The following SMIM15 variants were observed in gnomAD, a reference collection of about 807,000 sequenced individuals.
SMIM15 encodes the protein small integral membrane protein 15.
A neutral mutation model predicts 6.8 loss-of-function variants in SMIM15; 5 were observed. That is an observed-to-expected ratio of 0.74 (90% CI 0.39 to 1.56). The LOEUF (loss-of-function observed/expected upper bound fraction) is 1.56. Among genes scored for constraint, SMIM15 ranks in the 40% most tolerant of loss-of-function variants. SMIM15 has a pLI of 0.03. For synonymous variants in SMIM15, 30 were observed against 30.8 expected (o/e 0.97, Z 0.09); for missense variants, 81 against 84.8 (o/e 0.96, Z 0.18).
chr5:61,159,797 G>A lies in SMIM15; in HGVS notation c.*150C>T. On this transcript the variant is annotated 3_prime_UTR_variant, in exon 3 of 3. Coordinates refer to ENST00000339020, the MANE Select transcript of SMIM15 (RefSeq NM_001048249.4). ...GCCTAAAAGTTACTATAGTATTGAGGTCAGAACTAACATGATTCTTCCATT... is the reference window on the plus strand; with the variant it reads ...GCCTAAAAGTTACTATAGTATTGAGATCAGAACTAACATGATTCTTCCATT... 1 of 850,062 alleles carries A rather than the reference G, an allele frequency of 1.2e-6. No homozygotes were observed. The highest frequency in any genetic ancestry group is 1.8e-6 in the Non-Finnish European group (1 of 557,960). 52.7% of individuals were successfully genotyped at this position (850,062 alleles called of 1,614,324 possible).
chr5:61,162,366 AC>A lies in SMIM15; in HGVS notation c.-319del. ...TGCGCCGCCGCCGTTTCTGCTGGACACCAGGAGAAAACCACGGCAGCTGCAG... is the reference window on the plus strand; with the variant it reads ...TGCGCCGCCGCCGTTTCTGCTGGACACAGGAGAAAACCACGGCAGCTGCAG... On this transcript the variant is annotated 5_prime_UTR_variant, in exon 1 of 3. Transcript: ENST00000339020. This position sits in a 1 kb window ranked among gnomAD's most constrained non-coding sequence, Gnocchi z 4.4. 1 of 152,902 alleles carries A rather than the reference AC, an allele frequency of 6.5e-6. No homozygotes were observed. The highest frequency in any genetic ancestry group is 1.5e-5 in the Non-Finnish European group (1 of 68,524). The allele number at this position is 152,902 out of a possible 1,614,324, so 9.5% of individuals were successfully genotyped here.
Position 61,162,258 on chromosome 5 carries a change from GC to G in SMIM15, c.-211del, listed in dbSNP as rs1741435404. 1 of 152,642 alleles carries G rather than the reference GC, an allele frequency of 6.6e-6. No homozygotes were observed. The allele number at this position is 152,642 out of a possible 1,614,324, so 9.5% of individuals were successfully genotyped here. ...ACCCACGGAGGCCACGTTCACTCCT[GC>G]CCGTCGGCCTTGGCAAGCGCGGGCC... On this transcript the variant is annotated 5_prime_UTR_variant, in exon 1 of 3. Coordinates refer to ENST00000339020, the MANE Select transcript of SMIM15 (RefSeq NM_001048249.4). The surrounding 1 kb of genome is among the most constrained non-coding windows in gnomAD (Gnocchi z 4.4).
At chr5:61,161,047 C>T (rs1254079552) in intron 2 of SMIM15, 41 bp downstream of exon 2, 1 of 152,102 alleles carries the variant, frequency 6.6e-6, no homozygotes, top group African/African-American at 2.4e-5. Context: ...TATACATCCA[C>T]TTACAATTTC....
chr5:61,161,918 A>G (rs1276574930), intron 1 of SMIM15, among the ~76,000 whole-genome samples: 1 of 152,206 alleles, frequency 6.6e-6, no homozygotes, highest in Non-Finnish European at 1.5e-5. Context: ...CCAGCCCAGT[A>G]GCGAATAAAC....
rs1323403923 is a variant in SMIM15 at position 61,162,464 on chromosome 5, A to T, written c.-416T>A. ...CACTCACCGCCAGACCGGAAGCAGG[A>T]AGGCGGAAGTCGCGGCCTTTGCGTC... On this transcript the variant is annotated 5_prime_UTR_variant, in exon 1 of 3. Coordinates refer to ENST00000339020, the MANE Select transcript of SMIM15 (RefSeq NM_001048249.4). This position sits in a 1 kb window ranked among gnomAD's most constrained non-coding sequence, Gnocchi z 4.4. 6.6e-6 allele frequency: 1 copy of T among 152,518 alleles called. No individual in the cohort carries two copies. Among genetic ancestry groups the T allele is most frequent in the Non-Finnish European group, 1.5e-5 (1 of 68,266 alleles). The allele number at this position is 152,518 out of a possible 1,614,324, so 9.4% of individuals were successfully genotyped here. A position where few individuals can be genotyped will look rare whatever the true frequency, so the allele number is the denominator to read the frequency against.
Position 61,160,710 on chromosome 5 carries a change from T to C in SMIM15, c.-29+378A>G, listed in dbSNP as rs536679900. Among the ~76,000 whole-genome samples, 311 of 152,344 alleles carry C rather than the reference T, an allele frequency of 2.0e-3. 2 individuals carry two copies. Among genetic ancestry groups the C allele is most frequent in the African/African-American group, 7.2e-3 (300 of 41,578 alleles). On this transcript the variant is annotated intron_variant, in intron 2 of 2. Coordinates refer to ENST00000339020, the MANE Select transcript of SMIM15 (RefSeq NM_001048249.4). ...GCTCGCAGAGAAGGAGAGATGACTA[T>C]TTCCCCGAATGGGAAGGAGAGGGTA... is the stretch of plus-strand genomic sequence containing the variant.
Position 61,158,350 on chromosome 5 carries a change from G to A in SMIM15, c.*1597C>T, listed in dbSNP as rs1741358792. 6.6e-6 allele frequency: 1 copy of A among 152,068 alleles called. No individual in the cohort carries two copies. The highest frequency in any genetic ancestry group is 1.5e-5 in the Non-Finnish European group (1 of 67,994). The allele number at this position is 152,068 out of a possible 1,614,324, so 9.4% of individuals were successfully genotyped here. On this transcript the variant is annotated 3_prime_UTR_variant, in exon 3 of 3. Coordinates refer to ENST00000339020, the MANE Select transcript of SMIM15 (RefSeq NM_001048249.4). ...CATATTATAGATATATCTTAACACT[G>A]AATAATTTCAGTGCCTTGAGTTATA...
intron 2 of SMIM15, 52 bp from the exon 3 acceptor site, chr5:61,160,251 TGTG>T (rs1447333829): frequency 2.9e-6 from 4 of 1,356,142 alleles, no homozygotes; most frequent in Non-Finnish European, 4.0e-6. Context: ...GAAAAGACTA[TGTG>T]GTTAATCAAA....
chr5:61,160,117 GGTCCTTT>G lies in SMIM15; in HGVS notation c.48_54del (p.Lys17ProfsTer17), dbSNP rs748655579. ...ATAACGGTTGTAAGGAAGCCATAGG[GGTCCTTT>G]GCAGCCCATTCCACAACATACTCAG... On this transcript the variant is annotated frameshift_variant, in exon 3 of 3. Coordinates refer to ENST00000339020, the MANE Select transcript of SMIM15 (RefSeq NM_001048249.4). LOFTEE classifies it high-confidence loss of function. 3 of 1,614,156 alleles carry G rather than the reference GGTCCTTT, an allele frequency of 1.9e-6. No homozygotes were observed. In the South Asian group the frequency reaches 3.3e-5, roughly 18 times the overall value.
chr5:61,161,876 GTAC>G (rs1200327599), intron 1 of SMIM15, among the ~76,000 whole-genome samples: 1 of 152,102 alleles, frequency 6.6e-6, no homozygotes, highest in Non-Finnish European at 1.5e-5. Flanking sequence ...TTAGAATTAG[GTAC>G]TACTGAGATC....
Position 61,159,774 on chromosome 5 carries a change from C to G in SMIM15, c.*173G>C. ...AACCTATAAACTTCTACACCCACGC[C>G]TAAAAGTTACTATAGTATTGAGGTC... On this transcript the variant is annotated 3_prime_UTR_variant, in exon 3 of 3. Coordinates refer to ENST00000339020, the MANE Select transcript of SMIM15 (RefSeq NM_001048249.4). 2 of 698,702 alleles carry G rather than the reference C, an allele frequency of 2.9e-6. No homozygotes were observed. Among genetic ancestry groups the G allele is most frequent in the Admixed American group, 2.9e-5 (1 of 34,044 alleles). The allele number at this position is 698,702 out of a possible 1,614,324, so 43.3% of individuals were successfully genotyped here. A position where few individuals can be genotyped will look rare whatever the true frequency, so the allele number is the denominator to read the frequency against.
Position 61,161,213 on chromosome 5 carries a change from A to C in SMIM15, c.-154T>G, listed in dbSNP as rs1046004081. ...TGTACACATCTGAGAGACGGTTTAA[A>C]TTCTGTACAATTGGCTAGTTGGAAA... On this transcript the variant is annotated 5_prime_UTR_variant, in exon 2 of 3. Coordinates refer to ENST00000339020, the MANE Select transcript of SMIM15 (RefSeq NM_001048249.4). 2.0e-5 allele frequency: 3 copies of C among 152,204 alleles called. No homozygotes were observed. Among genetic ancestry groups the C allele is most frequent in the Non-Finnish European group, 4.4e-5 (3 of 68,038 alleles). The allele number at this position is 152,204 out of a possible 1,614,324, so 9.4% of individuals were successfully genotyped here. A position where few individuals can be genotyped will look rare whatever the true frequency, so the allele number is the denominator to read the frequency against.
Position 61,159,988 on chromosome 5 carries a change from G to C in SMIM15, c.184C>G (p.Gln62Glu). The change falls in exon 3 of 3, where the codon CAA (glutamine) becomes GAA (glutamate). Residue 62 changes from glutamine to glutamate, a missense_variant. Coordinates refer to ENST00000339020, the MANE Select transcript of SMIM15 (RefSeq NM_001048249.4). ...EKEQKKKQKR[Q>E]ENIAKAKRLK... ...CGTTTAGCTTTTGCAATGTTTTCTT[G>C]GCGTTTTTGCTTCTTCTTTTGCTCC... 1 of 1,613,568 alleles carries C rather than the reference G, an allele frequency of 6.2e-7. No individual in the cohort carries two copies. Among genetic ancestry groups the C allele is most frequent in the Non-Finnish European group, 8.5e-7 (1 of 1,180,028 alleles).
At position 61,159,934 on chromosome 5, in the gene SMIM15, C is replaced by T. The variant is rs774011591; in HGVS notation, c.*13G>A. ...AAATGATTTTCCTCTGGTTGCAAAG[C>T]CTGTTCAGTCCTTCAATCCTTTTTT... is the stretch of plus-strand genomic sequence containing the variant. On this transcript the variant is annotated 3_prime_UTR_variant, in exon 3 of 3. Coordinates refer to ENST00000339020, the MANE Select transcript of SMIM15 (RefSeq NM_001048249.4). 8.1e-6 allele frequency: 13 copies of T among 1,611,550 alleles called. No individual in the cohort carries two copies. Among genetic ancestry groups the T allele is most frequent in the Middle Eastern group, 4.4e-4 (2 of 4,554 alleles).
rs750619448 is a variant in SMIM15 at position 61,159,954 on chromosome 5, T to C, written c.218A>G (p.Lys73Arg). The C allele has an allele frequency of 1.2e-6, 2 of 1,612,456 alleles. No homozygotes were observed. Among genetic ancestry groups the C allele is most frequent in the Admixed American group, 3.3e-5 (2 of 60,026 alleles). Reference sequence around the variant, plus strand: ...CAAAGCCTGTTCAGTCCTTCAATCCTTTTTTAGTCGTTTAGCTTTTGCAAT... The same window carrying C: ...CAAAGCCTGTTCAGTCCTTCAATCCCTTTTTAGTCGTTTAGCTTTTGCAAT... The part of the protein sequence containing the change: ...ENIAKAKRLK[K>R]D The change falls in exon 3 of 3, where the codon AAG becomes AGG. Residue 73 changes from lysine to arginine, a missense_variant. By Grantham distance (26) the Lys-to-Arg change is conservative. Coordinates refer to ENST00000339020, the MANE Select transcript of SMIM15 (RefSeq NM_001048249.4).
At position 61,160,130 on chromosome 5, in the gene SMIM15, C is replaced by T; in HGVS notation, c.42G>A (p.Trp14Ter). ...GGAAGCCATAGGGGTCCTTTGCAGC[C>T]CATTCCACAACATACTCAGCCCAAG... ...IKAWAEYVVE[W>*]AAKDPYGFLT... Residue 14 changes from tryptophan to a stop codon, truncating the protein, a stop_gained, in exon 3 of 3, where the codon TGG becomes TGA. Coordinates refer to ENST00000339020, the MANE Select transcript of SMIM15 (RefSeq NM_001048249.4). LOFTEE classifies it high-confidence loss of function. 1 of 1,614,070 alleles carries T rather than the reference C, an allele frequency of 6.2e-7. No individual in the cohort carries two copies. Among genetic ancestry groups the T allele is most frequent in the Non-Finnish European group, 8.5e-7 (1 of 1,180,004 alleles).
Position 61,158,359 on chromosome 5 carries a change from C to A in SMIM15, c.*1588G>T, listed in dbSNP as rs1309879726. ...GATATATCTTAACACTGAATAATTT[C>A]AGTGCCTTGAGTTATAATGTGTTGC... On this transcript the variant is annotated 3_prime_UTR_variant, in exon 3 of 3. Transcript: ENST00000339020. 6.6e-6 allele frequency: 1 copy of A among 152,078 alleles called. No individual in the cohort carries two copies. The highest frequency in any genetic ancestry group is 1.5e-5 in the Non-Finnish European group (1 of 67,988). The allele number at this position is 152,078 out of a possible 1,614,324, so 9.4% of individuals were successfully genotyped here.
chr5:61,161,656 G>A (rs552291999), intron 1 of SMIM15, among the ~76,000 whole-genome samples: 34 of 151,660 alleles, frequency 2.2e-4, no homozygotes, highest in Middle Eastern at 3.4e-3. Context: ...GGTTTTTTTG[G>A]GTCCATCATA....
rs1300841574 is a variant in SMIM15, at chr5:61,157,811, TG to T, written c.*2135del. On this transcript the variant is annotated 3_prime_UTR_variant, in exon 3 of 3. Transcript: ENST00000339020. ...TTCTCCCCCAAGACCAGCTTTAGAATGGTAATTGATTGTACTTAGTTCTCAG... is the reference window on the plus strand; with the variant it reads ...TTCTCCCCCAAGACCAGCTTTAGAATGTAATTGATTGTACTTAGTTCTCAG... 6.6e-6 allele frequency: 1 copy of T among 152,152 alleles called. No individual in the cohort carries two copies. The highest frequency in any genetic ancestry group is 1.9e-4 in the East Asian group (1 of 5,204). 9.4% of individuals were successfully genotyped at this position (152,152 alleles called of 1,614,324 possible).
Sources: allele counts gnomAD v4.1 joint callset (sites outside exome capture counted in the v4.1 genomes callset), GRCh38; gene constraint gnomAD v4.1.1; non-coding constraint Gnocchi (gnomAD v3.1); transcripts MANE v1.5; gene names NCBI Gene and HGNC (gene_info 2026-07-23, HGNC 2026-07-21).